USP32: variants seen among roughly 807,000 people sequenced by gnomAD.
The protein encoded by USP32 is ubiquitin specific peptidase 32.
Under a neutral mutation model 204.8 loss-of-function variants are expected in USP32, and 59 were observed. The observed-to-expected ratio is 0.29, with a 90% CI of 0.23 to 0.36. USP32 has a LOEUF of 0.36. USP32 is among the 10% of genes least tolerant of loss of function. The pLI is 1.00. For missense variants in USP32, 1,160 were observed against 1,946.4 expected, an observed-to-expected ratio of 0.60 and a Z score of 7.60; for synonymous variants, 517 against 678.4, an observed-to-expected ratio of 0.76 and a Z score of 3.70.
intron 26 of USP32, among the ~76,000 whole-genome samples, chr17:60,203,436 T>G (rs1172057493): frequency 6.6e-6 from 1 of 151,026 alleles, no homozygotes; most frequent in Non-Finnish European, 1.5e-5. Context: ...ATATTTCTGT[T>G]GTTTAAAGCC....
chr17:60,244,871 A>ATCCGCCTGC (rs1598131642), intron 11 of USP32, among the ~76,000 whole-genome samples: 1 of 152,206 alleles, frequency 6.6e-6, no homozygotes, highest in East Asian at 1.9e-4. Context: ...GCTTCAAGAG[A>ATCCGCCTGC]TCCGCCTGCC....
intron 11 of USP32, among the ~76,000 whole-genome samples, chr17:60,241,090 C>T (rs966357102): frequency 6.6e-6 from 1 of 152,166 alleles, no homozygotes; most frequent in Admixed American, 6.5e-5. Context: ...CTCTGCCTCT[C>T]GGGTTCAAGC....
Position 60,294,731 on chromosome 17 carries a change from G to A in USP32, c.363C>T (p.His121=), listed in dbSNP as rs375435948. The change falls in exon 4 of 34, where the codon CAC becomes CAT. Residue 121 remains histidine (H), a synonymous_variant. Coordinates refer to ENST00000300896, the MANE Select transcript of USP32 (RefSeq NM_032582.4). ...TATCTGGGACTTTACCATCCACCAC[G>A]TGGAGCATTCTTTCCATTTCTTCCC... ...VIREEMERML[H]VVDGKVPDTL... The A allele has an allele frequency of 6.2e-6, 10 of 1,612,580 alleles. No individual in the cohort carries two copies. The highest frequency in any genetic ancestry group is 4.0e-5 in the African/African-American group (3 of 74,844).
chr17:60,367,206 C>T (rs2089334776), intron 1 of USP32, among the ~76,000 whole-genome samples: 1 of 152,104 alleles, frequency 6.6e-6, no homozygotes, highest in Non-Finnish European at 1.5e-5. Context: ...TTCAACCAAC[C>T]GAGGATACAA....
intron 2 of USP32, among the ~76,000 whole-genome samples, chr17:60,340,124 A>G (rs2088623346): frequency 6.6e-6 from 1 of 152,280 alleles, no homozygotes; most frequent in East Asian, 1.9e-4. Context: ...TTTGAAAAAG[A>G]ACTCACAAGG....
At chr17:60,420,222 G>T (rs1208836765) in intron 1 of USP32, among the ~76,000 whole-genome samples, 1 of 151,870 alleles carries the variant, frequency 6.6e-6, no homozygotes, top group Non-Finnish European at 1.5e-5. Context: ...TCAAACTCCT[G>T]ATCTCAGGTG....
chr17:60,191,400 T>TA (rs1158204624), intron 28 of USP32, among the ~76,000 whole-genome samples: 683 of 58,336 alleles, frequency 0.012, 11 homozygotes, highest in Non-Finnish European at 0.019. Context: ...AGACTCTGTT[T>TA]AAAAAAAAAA....
At chr17:60,365,535 T>C (rs1290571505) in intron 1 of USP32, among the ~76,000 whole-genome samples, 1 of 151,188 alleles carries the variant, frequency 6.6e-6, no homozygotes, top group Non-Finnish European at 1.5e-5. Flanking sequence ...TGTTTTAAAG[T>C]TGAATTTAAC....
intron 9 of USP32, 43 bp from the exon 10 acceptor site, chr17:60,255,301 T>TTTC: frequency 8.6e-7 from 1 of 1,164,212 alleles, no homozygotes; most frequent in African/African-American, 1.6e-5. Flanking sequence ...TTTTTTTCTT[T>TTTC]TTTTTTTTTT....
intron 1 of USP32, among the ~76,000 whole-genome samples, chr17:60,380,562 T>C (rs2089629466): frequency 6.6e-6 from 1 of 152,156 alleles, no homozygotes; most frequent in Admixed American, 6.5e-5. Context: ...AAAAAAGTCA[T>C]TCCAGATAAG....
intron 1 of USP32, among the ~76,000 whole-genome samples, chr17:60,382,408 T>C (rs1373902548): frequency 6.6e-6 from 1 of 152,180 alleles, no homozygotes; most frequent in Non-Finnish European, 1.5e-5. Context: ...TGAACCACCA[T>C]GCCCAGCTAA....
chr17:60,250,995 T>C (rs751696277), intron 11 of USP32, among the ~76,000 whole-genome samples: 4 of 151,646 alleles, frequency 2.6e-5, no homozygotes, highest in Admixed American at 6.6e-5. Context: ...CAGGCTGGAA[T>C]GCAATGGCAT....
At chr17:60,253,697 T>C (rs1173711026) in intron 10 of USP32, among the ~76,000 whole-genome samples, 1 of 151,954 alleles carries the variant, frequency 6.6e-6, no homozygotes, top group Non-Finnish European at 1.5e-5. Context: ...ACCTGAGAGA[T>C]AGAGGTTGCA....
In USP32 at chr17:60,181,521, G is replaced by A. The variant is rs61751976; in HGVS notation, c.4351C>T (p.Leu1451=). Residue 1451 remains leucine (L), a synonymous_variant, in exon 32 of 34, where the codon CTG becomes TTG. Transcript: ENST00000300896. ...ACCAACTCTGGTTGGCTGCCCCCCA[G>A]CACATGCCCTCGACTCAAGGCGTCA... The part of the protein sequence containing the change: ...LADALSRGHV[L]GGSQPELVTP... 6.2e-7 allele frequency: 1 copy of A among 1,613,990 alleles called. No homozygotes were observed. The highest frequency in any genetic ancestry group is 8.5e-7 in the Non-Finnish European group (1 of 1,179,864).
At chr17:60,278,181 G>C (rs1232806078) in intron 5 of USP32, among the ~76,000 whole-genome samples, 1 of 152,020 alleles carries the variant, frequency 6.6e-6, no homozygotes, top group African/African-American at 2.4e-5. Context: ...TGGGATTACA[G>C]GCATGAGCTA....
At chr17:60,398,814 CA>C (rs34107183) in intron 1 of USP32, among the ~76,000 whole-genome samples, 57 of 141,122 alleles carry the variant, frequency 4.0e-4, no homozygotes, top group Admixed American at 4.3e-4. Context: ...CCTGTCTCTA[CA>C]AAAAAAAAAA....
intron 3 of USP32, 96 bp from the exon 4 acceptor site, chr17:60,294,897 G>T: frequency 4.3e-6 from 3 of 703,952 alleles, no homozygotes; most frequent in South Asian, 1.9e-5. Context: ...ATAACTGAGT[G>T]ATTACTAGGG....
upstream of USP32, among the ~76,000 whole-genome samples, chr17:60,396,531 CT>C (rs1472279357): frequency 6.6e-6 from 1 of 152,182 alleles, no homozygotes; most frequent in Non-Finnish European, 1.5e-5. Context: ...GTTGATCATT[CT>C]TTTAAAAATG....
chr17:60,303,258 G>A (rs1039542226), intron 2 of USP32, among the ~76,000 whole-genome samples: 10 of 151,974 alleles, frequency 6.6e-5, no homozygotes, highest in Non-Finnish European at 1.2e-4. Flanking sequence ...GAAAATAACA[G>A]GGAAAAACAA....
Sources: allele counts gnomAD v4.1 joint callset (sites outside exome capture counted in the v4.1 genomes callset), GRCh38; gene constraint gnomAD v4.1.1; transcripts MANE v1.5; gene names NCBI Gene and HGNC (gene_info 2026-07-23, HGNC 2026-07-21).